Variants in ASTN2 observed in about 807,000 individuals in gnomAD.
ASTN2 encodes the protein astrotactin-2.
In ASTN2, 54 loss-of-function variants were observed where a neutral mutation model predicts 139.8. The ratio of observed to expected loss-of-function variants is 0.39; its 90% CI spans 0.31 to 0.48. The LOEUF is 0.48. ASTN2 is among the 20% of genes least tolerant of loss of function. The pLI is 0.95. For synonymous variants in ASTN2, 756 were observed against 719.5 expected (o/e 1.05, Z -0.81); for missense variants, 1,565 against 1,725.1 (o/e 0.91, Z 1.64).
At chr9:116,675,030 G>C (rs1398722242) in intron 16 of ASTN2, among the ~76,000 whole-genome samples, 2 of 152,102 alleles carry the variant, frequency 1.3e-5, no homozygotes, top group Non-Finnish European at 2.9e-5. Flanking sequence ...TGAACCCCCT[G>C]GGCAGTTACA....
chr9:117,169,286 G>A (rs1433952555), intron 3 of ASTN2, among the ~76,000 whole-genome samples: 2 of 152,078 alleles, frequency 1.3e-5, no homozygotes, highest in Non-Finnish European at 2.9e-5. Context: ...TGTGGGGAGA[G>A]GAACTCAGTC....
In ASTN2 at chr9:117,388,789, C is replaced by T. The variant is rs180778076; in HGVS notation, c.442+25708G>A. Among the ~76,000 whole-genome samples, 186 of 152,208 alleles carry T rather than the reference C, an allele frequency of 1.2e-3. 1 individual carries two copies. Among genetic ancestry groups the T allele is most frequent in the Admixed American group, 6.0e-3 (92 of 15,290 alleles). On this transcript the variant is annotated intron_variant, in intron 1 of 22. Coordinates refer to ENST00000313400, the MANE Select transcript of ASTN2 (RefSeq NM_001365068.1). The stretch of plus-strand genomic sequence containing the variant: ...CTAGAATTCTGCCTTGTCTTCCCAG[C>T]CTCTTTCCCCAGAGTCTCATGAAGA...
At chr9:116,447,254 C>T (rs763680417) in intron 20 of ASTN2, among the ~76,000 whole-genome samples, 3 of 152,262 alleles carry the variant, frequency 2.0e-5, no homozygotes, top group Non-Finnish European at 2.9e-5. Context: ...CTGCTTTGAC[C>T]GTCTCAAGAG....
intron 4 of ASTN2, among the ~76,000 whole-genome samples, chr9:117,127,236 G>C (rs1564439565): frequency 6.6e-6 from 1 of 152,230 alleles, no homozygotes; most frequent in Non-Finnish European, 1.5e-5. Flanking sequence ...CTGAACGCAA[G>C]ATGATTTCTT....
intron 16 of ASTN2, among the ~76,000 whole-genome samples, chr9:116,704,662 C>T (rs1045155046): frequency 6.6e-6 from 1 of 152,146 alleles, no homozygotes; most frequent in Non-Finnish European, 1.5e-5. Flanking sequence ...ATTGGTGATG[C>T]AATAGCATGT....
At chr9:116,555,340 C>T (rs1377112771) in intron 19 of ASTN2, among the ~76,000 whole-genome samples, 7 of 152,186 alleles carry the variant, frequency 4.6e-5, no homozygotes, top group African/African-American at 1.7e-4. Flanking sequence ...GGCCCACTTT[C>T]GCGCTGCTGA....
chr9:116,993,852 T>TGA (rs1554767619), intron 7 of ASTN2, among the ~76,000 whole-genome samples: 6 of 26,662 alleles, frequency 2.3e-4, no homozygotes, highest in African/African-American at 4.4e-4. Context: ...AGTATGTACA[T>TGA]GATATATATA....
At chr9:116,700,491 C>T (rs1379265362) in intron 16 of ASTN2, 1 of 167,164 alleles carries the variant, frequency 6.0e-6, no homozygotes, top group Non-Finnish European at 1.5e-5. Context: ...CTGATATAGT[C>T]AGCAAATTTG....
At chr9:116,445,488 G>A (rs932268995) in intron 20 of ASTN2, among the ~76,000 whole-genome samples, 1 of 152,182 alleles carries the variant, frequency 6.6e-6, no homozygotes, top group Non-Finnish European at 1.5e-5. Flanking sequence ...TGTTTCATAG[G>A]CCACTTATGT....
In ASTN2 at chr9:116,732,681, G is replaced by T. The variant is rs139921075; in HGVS notation, c.2521+718C>A. 3.7e-3 allele frequency among the ~76,000 whole-genome samples: 571 copies of T among 152,296 alleles called. 2 individuals carry two copies. The highest frequency in any genetic ancestry group is 5.7e-3 in the Non-Finnish European group (389 of 68,028). On this transcript the variant is annotated intron_variant, in intron 14 of 22. Transcript: ENST00000313400. ...CAAAAAAAGAGGAAAGAGCATCCTG[G>T]GGTTGGACAGAAAATATGGAGTCTC...
Position 117,141,351 on chromosome 9 carries a change from C to T in ASTN2, c.1143G>A (p.Lys381=). Residue 381 remains lysine, a synonymous_variant, in exon 4 of 23, where the codon AAG becomes AAA. Transcript: ENST00000313400. ...QPPLRSTSAG[K]RKRRSKSRGG... ...CTCGAGACTTGCTCCTCCGCTTCCT[C>T]TTCCCTGCCGATGTGCTGCGCAGGG... The T allele has an allele frequency of 7.3e-7, 1 of 1,367,514 alleles. No individual in the cohort carries two copies. Among genetic ancestry groups the T allele is most frequent in the South Asian group, 1.1e-5 (1 of 88,026 alleles). 84.7% of individuals were successfully genotyped at this position (1,367,514 alleles called of 1,614,324 possible).
intron 7 of ASTN2, among the ~76,000 whole-genome samples, chr9:116,986,185 C>T (rs1348698094): frequency 1.6e-5 from 2 of 128,314 alleles, no homozygotes. Flanking sequence ...CCTGCAGTCA[C>T]GTTTCCTCCT....
intron 22 of ASTN2, among the ~76,000 whole-genome samples, chr9:116,436,640 C>T (rs369537145): frequency 7.9e-5 from 12 of 152,050 alleles, no homozygotes; most frequent in Non-Finnish European, 1.0e-4. Context: ...AGCAAATGGG[C>T]GGACATTTTA....
intron 5 of ASTN2, among the ~76,000 whole-genome samples, chr9:117,082,746 T>A (rs958277949): frequency 6.6e-6 from 1 of 152,160 alleles, no homozygotes; most frequent in Non-Finnish European, 1.5e-5. Context: ...GAGGTTGCAG[T>A]GAGCTGAGAT....
chr9:116,581,436 C>G (rs1270945720), intron 19 of ASTN2, among the ~76,000 whole-genome samples: 1 of 152,168 alleles, frequency 6.6e-6, no homozygotes, highest in Non-Finnish European at 1.5e-5. Flanking sequence ...CATGTTGCTC[C>G]TGCATTGTCC....
chr9:117,295,072 A>C (rs1045074146), intron 1 of ASTN2, among the ~76,000 whole-genome samples: 4 of 152,160 alleles, frequency 2.6e-5, no homozygotes, highest in African/African-American at 9.7e-5. Flanking sequence ...CTGTAATCTC[A>C]GCATTTTGAG....
intron 6 of ASTN2, among the ~76,000 whole-genome samples, chr9:117,026,650 G>C (rs62564878): frequency 6.6e-6 from 1 of 151,954 alleles, no homozygotes; most frequent in Non-Finnish European, 1.5e-5. Flanking sequence ...ATATGGCAGC[G>C]CCTATCAGGT....
Position 116,975,242 on chromosome 9 carries a change from C to A in ASTN2, c.1855G>T (p.Asp619Tyr), listed in dbSNP as rs1268297670. The A allele has an allele frequency of 6.2e-7, 1 of 1,613,138 alleles. No homozygotes were observed. Among genetic ancestry groups the A allele is most frequent in the African/African-American group, 1.3e-5 (1 of 75,006 alleles). The change falls in exon 10 of 23, where the codon GAT becomes TAT. Residue 619 changes from aspartate to tyrosine, a missense_variant. Asp to Tyr is a radical substitution (Grantham distance 160). Around this residue, in one of 4 missense-constraint regions of ASTN2, gnomAD observed 503 missense variants for 591.7 expected, o/e 0.85. Transcript: ENST00000313400. Reference sequence around the variant, plus strand: ...GCAGGGTCTTCCGTGACGAGCACATCGGTCTTGCAGCTGGCCAGGGGGTTG... The same window carrying A: ...GCAGGGTCTTCCGTGACGAGCACATAGGTCTTGCAGCTGGCCAGGGGGTTG... ...SINPLASCKTDVLVTEDPADV... is the reference protein window; with the variant it reads ...SINPLASCKTYVLVTEDPADV...
At chr9:116,439,486 C>T (rs1847776995) in intron 22 of ASTN2, among the ~76,000 whole-genome samples, 3 of 139,912 alleles carry the variant, frequency 2.1e-5, no homozygotes, top group South Asian at 6.6e-4. Flanking sequence ...AGGCGTGAGC[C>T]ACCGCGCCCG....
Sources: gnomAD v4.1 joint callset for allele counts (sites outside exome capture counted in the v4.1 genomes callset) on GRCh38, gnomAD v4.1.1 for gene constraint, gnomAD v4.1.1 regional missense constraint, MANE v1.5 for transcripts, NCBI Gene and HGNC (gene_info 2026-07-23, HGNC 2026-07-21) for gene names.